CACNA1C: variants seen among roughly 807,000 people sequenced by gnomAD.
CACNA1C encodes voltage-dependent L-type calcium channel subunit alpha-1C.
Under a neutral mutation model 229.0 loss-of-function variants are expected in CACNA1C, and 30 were observed. The observed-to-expected ratio is 0.13, with a 90% CI of 0.10 to 0.18. CACNA1C has a LOEUF of 0.18. Ranked by LOEUF, CACNA1C falls within the 10% of genes least tolerant of loss-of-function variation. The pLI is 1.00. For missense variants in CACNA1C, 1,658 were observed against 2,845.0 expected (o/e 0.58, Z 9.49); for synonymous variants, 1,114 against 1,132.5 (o/e 0.98, Z 0.33).
intron 3 of CACNA1C, among the ~76,000 whole-genome samples, chr12:2,153,743 C>T (rs1055287799): frequency 6.6e-6 from 1 of 152,214 alleles, no homozygotes; most frequent in Non-Finnish European, 1.5e-5. Flanking sequence ...AGGCTCTCCT[C>T]ATTTCATCTT....
rs919877352 is a variant in CACNA1C at position 2,132,144 on chromosome 12, A to G, written c.477+11714A>G. Among the ~76,000 whole-genome samples the G allele has an allele frequency of 5.6e-3, 802 of 143,272 alleles. 13 individuals carry two copies. The highest frequency in any genetic ancestry group is 0.021 in the African/African-American group (775 of 37,782). The allele number at this position is 143,272 out of a possible 152,430, so 94.0% of individuals were successfully genotyped here. ...GTATAAGAATGCTTGTGATTTTTGTACATTGATTTTGTATCCTGAGACTTT... is the reference window on the plus strand; with the variant it reads ...GTATAAGAATGCTTGTGATTTTTGTGCATTGATTTTGTATCCTGAGACTTT... On this transcript the variant is annotated intron_variant, in intron 3 of 46. Coordinates refer to ENST00000399655, the MANE Select transcript of CACNA1C (RefSeq NM_000719.7).
intron 4 of CACNA1C, among the ~76,000 whole-genome samples, chr12:2,454,847 TC>T (rs1225118526): frequency 6.6e-6 from 1 of 152,152 alleles, no homozygotes; most frequent in Non-Finnish European, 1.5e-5. Flanking sequence ...GTTCCCCAGT[TC>T]CCTTAGAAAG....
intron 3 of CACNA1C, among the ~76,000 whole-genome samples, chr12:2,438,394 CATG>C (rs57242774): frequency 0.24 from 22,994 of 94,452 alleles, 1,873 homozygotes; most frequent in Admixed American, 0.28. Flanking sequence ...TCATGGTAGT[CATG>C]GTGGTGGTGG....
At chr12:2,341,058 A>G (rs1382024523) in intron 3 of CACNA1C, among the ~76,000 whole-genome samples, 1 of 152,116 alleles carries the variant, frequency 6.6e-6, no homozygotes, top group African/African-American at 2.4e-5. Context: ...ACGTTTTTGC[A>G]TGTAAGACTT....
In CACNA1C at chr12:2,677,995, C is replaced by T; in HGVS notation, c.5091+128C>T. The T allele has an allele frequency of 3.7e-6, 4 of 1,086,628 alleles. No homozygotes were observed. Among genetic ancestry groups the T allele is most frequent in the East Asian group, 2.4e-5 (1 of 41,446 alleles). 67.3% of individuals were successfully genotyped at this position (1,086,628 alleles called of 1,614,324 possible). A position where few individuals can be genotyped will look rare whatever the true frequency, so the allele number is the denominator to read the frequency against. Reference sequence around the variant, plus strand: ...CAGAGGAAAGGGCTACTTCCAGGCTCTTCCTGATGAGCTGTCTCCTCACCC... The same window carrying T: ...CAGAGGAAAGGGCTACTTCCAGGCTTTTCCTGATGAGCTGTCTCCTCACCC... On this transcript the variant is annotated intron_variant, in intron 41 of 46. Coordinates refer to ENST00000399655, the MANE Select transcript of CACNA1C (RefSeq NM_000719.7). This position sits in a 1 kb window ranked among gnomAD's most constrained non-coding sequence, Gnocchi z 7.4.
chr12:2,586,873 C>T (rs1361039546), intron 18 of CACNA1C, among the ~76,000 whole-genome samples: 1 of 152,204 alleles, frequency 6.6e-6, no homozygotes, highest in Admixed American at 6.6e-5. Context: ...ATAGAAAGAA[C>T]AGGAAGGGCG....
intron 46 of CACNA1C, 132 bp downstream of exon 46, chr12:2,688,911 C>A (rs145893888): frequency 1.5e-5 from 11 of 750,008 alleles, no homozygotes; most frequent in African/African-American, 1.1e-4. Flanking sequence ...AAAGACCCTC[C>A]CTCTCAGGGC....
At chr12:2,591,459 T>C (rs931310677) in intron 18 of CACNA1C, among the ~76,000 whole-genome samples, 4 of 152,070 alleles carry the variant, frequency 2.6e-5, no homozygotes, top group East Asian at 1.9e-4. Context: ...TTTCAGCACA[T>C]AGGGAGAAGG....
At chr12:2,415,755 G>A (rs190295759) in intron 3 of CACNA1C, among the ~76,000 whole-genome samples, 2 of 152,256 alleles carry the variant, frequency 1.3e-5, no homozygotes, top group African/African-American at 4.8e-5. Context: ...AGCAGCTAAT[G>A]CAGGAGTCCC....
chr12:2,550,748 A>C, intron 10 of CACNA1C: 1 of 1,073,188 alleles, frequency 9.3e-7, no homozygotes, highest in African/African-American at 1.6e-5. Flanking sequence ...AATGATGGAG[A>C]GCCTGGGCAA....
At chr12:2,398,318 G>A (rs1028916869) in intron 3 of CACNA1C, among the ~76,000 whole-genome samples, 3 of 152,212 alleles carry the variant, frequency 2.0e-5, no homozygotes, top group South Asian at 2.1e-4. Context: ...GCTTTACCTC[G>A]TGAAGTTTGC....
intron 13 of CACNA1C, among the ~76,000 whole-genome samples, chr12:2,568,999 G>A (rs1211031907): frequency 3.9e-5 from 6 of 152,222 alleles, no homozygotes; most frequent in Non-Finnish European, 8.8e-5. Context: ...TAGGGAGGCT[G>A]AGAAATGCAG....
Position 2,506,579 on chromosome 12 carries a change from G to A in CACNA1C, c.1217+1634G>A, listed in dbSNP as rs370323196. On this transcript the variant is annotated intron_variant, in intron 8 of 46. Coordinates refer to ENST00000399655, the MANE Select transcript of CACNA1C (RefSeq NM_000719.7). The stretch of plus-strand genomic sequence containing the variant: ...TTACAATGATTATTATTTACTTGGT[G>A]CCTGTTATAACTAGAAGTATAGAAT... Among the ~76,000 whole-genome samples, 16 of 152,300 alleles carry A rather than the reference G, an allele frequency of 1.1e-4. No individual in the cohort carries two copies. In the East Asian group the frequency reaches 2.9e-3, roughly 28 times the overall value.
Position 2,633,482 on chromosome 12 carries a change from C to T in CACNA1C, c.3829-815C>T, listed in dbSNP as rs2091459829. Reference sequence around the variant, plus strand: ...TGCTGCTCCTTCCTTGCTGGTGCTCCTGGGCTCCTGGCCATGGTGAGGGCG... The same window carrying T: ...TGCTGCTCCTTCCTTGCTGGTGCTCTTGGGCTCCTGGCCATGGTGAGGGCG... On this transcript the variant is annotated intron_variant, in intron 29 of 46. Coordinates refer to ENST00000399655, the MANE Select transcript of CACNA1C (RefSeq NM_000719.7). The surrounding 1 kb of genome is among the most constrained non-coding windows in gnomAD (Gnocchi z 5.8). The T allele has an allele frequency of 1.5e-6, 1 of 664,050 alleles. No individual in the cohort carries two copies. The highest frequency in any genetic ancestry group is 2.7e-6 in the Non-Finnish European group (1 of 369,222). The allele number at this position is 664,050 out of a possible 1,614,324, so 41.1% of individuals were successfully genotyped here.
At chr12:2,687,728 T>G (rs1258237468) in intron 45 of CACNA1C, among the ~76,000 whole-genome samples, 1 of 152,150 alleles carries the variant, frequency 6.6e-6, no homozygotes, top group Admixed American at 6.5e-5. Context: ...TAGTAGAGAC[T>G]GGGTTACTCC....
At position 2,566,813 on chromosome 12, in the gene CACNA1C, A is replaced by G. The variant is rs2051206501; in HGVS notation, c.1669+231A>G. 6.6e-6 allele frequency among the ~76,000 whole-genome samples: 1 copy of G among 152,172 alleles called. No homozygotes were observed. Reference sequence around the variant, plus strand: ...CTCTCCTGACTGGGCCCACACCATCAGCCTGCCCCAAAGTCACTGTTGGAC... The same window carrying G: ...CTCTCCTGACTGGGCCCACACCATCGGCCTGCCCCAAAGTCACTGTTGGAC... On this transcript the variant is annotated intron_variant, in intron 12 of 46. Coordinates refer to ENST00000399655, the MANE Select transcript of CACNA1C (RefSeq NM_000719.7). The surrounding 1 kb of genome is among the most constrained non-coding windows in gnomAD (Gnocchi z 4.0).
In CACNA1C at chr12:2,305,586, G is replaced by C. The variant is rs190037141; in HGVS notation, c.478-143390G>C. Among the ~76,000 whole-genome samples the C allele has an allele frequency of 5.9e-5, 9 of 152,330 alleles. No individual in the cohort carries two copies. The East Asian group carries it at 1.7e-3, about 29-fold the overall frequency. On this transcript the variant is annotated intron_variant, in intron 3 of 46. Coordinates refer to ENST00000399655, the MANE Select transcript of CACNA1C (RefSeq NM_000719.7). The stretch of plus-strand genomic sequence containing the variant: ...CAAGGCAGATGCAGAGGGTATGCCT[G>C]TAGTCCCAGCTCTTTGGGAGGCTGA...
chr12:2,310,644 T>A (rs1054425830), intron 3 of CACNA1C, among the ~76,000 whole-genome samples: 10 of 152,304 alleles, frequency 6.6e-5, no homozygotes, highest in African/African-American at 2.4e-4. Context: ...GAGTTGTTTC[T>A]ATTTAGTTGT....
At chr12:2,446,115 GAATGGGTA>G (rs950147412) in intron 3 of CACNA1C, among the ~76,000 whole-genome samples, 1 of 151,746 alleles carries the variant, frequency 6.6e-6, no homozygotes, top group African/African-American at 2.4e-5. Flanking sequence ...GTGAACGAAT[GAATGGGTA>G]GATGGATAGA....
Sources: allele counts gnomAD v4.1 joint callset (sites outside exome capture counted in the v4.1 genomes callset), GRCh38; gene constraint gnomAD v4.1.1; non-coding constraint Gnocchi (gnomAD v3.1); transcripts MANE v1.5; gene names NCBI Gene and HGNC (gene_info 2026-07-23, HGNC 2026-07-21).